The following CFAP20DC variants were observed in gnomAD, a reference collection of about 807,000 sequenced individuals.
CFAP20DC encodes the protein protein CFAP20DC.
In CFAP20DC, 84 loss-of-function variants were observed where a neutral mutation model predicts 101.7. The observed-to-expected ratio is 0.83, with a 90% CI of 0.69 to 0.99. The LOEUF (loss-of-function observed/expected upper bound fraction) is 0.99, where lower values mean the gene tolerates loss of function less well. Ranked by LOEUF, CFAP20DC falls within the 50% of genes least tolerant of loss-of-function variation. CFAP20DC has a pLI of 0.00. For missense variants in CFAP20DC, 1,007 were observed against 970.3 expected, an observed-to-expected ratio of 1.04 and a Z score of -0.50; for synonymous variants, 359 against 351.2, an observed-to-expected ratio of 1.02 and a Z score of -0.25.
At chr3:58,896,421 G>A (rs1470773749) in intron 6 of CFAP20DC, among the ~76,000 whole-genome samples, 1 of 151,972 alleles carries the variant, frequency 6.6e-6, no homozygotes, top group Non-Finnish European at 1.5e-5. Context: ...CTTGTCTCCT[G>A]CTAGCTTTGG....
chr3:58,766,687 A>G (rs111272020), intron 15 of CFAP20DC, among the ~76,000 whole-genome samples: 6 of 152,248 alleles, frequency 3.9e-5, no homozygotes, highest in African/African-American at 1.4e-4. Flanking sequence ...GTATTTTTCC[A>G]ACCTCATGTG....
intron 4 of CFAP20DC, among the ~76,000 whole-genome samples, chr3:58,984,668 A>C (rs1238039329): frequency 6.6e-6 from 1 of 152,212 alleles, no homozygotes; most frequent in African/African-American, 2.4e-5. Flanking sequence ...CATGGAAAAA[A>C]TGATTAGCAT....
intron 14 of CFAP20DC, among the ~76,000 whole-genome samples, chr3:58,819,372 C>G (rs1261766795): frequency 1.3e-5 from 2 of 151,736 alleles, no homozygotes; most frequent in Non-Finnish European, 1.5e-5. Flanking sequence ...TTGAAAGGAT[C>G]AACAAAATTG....
At chr3:59,021,238 T>C (rs1452752235) in intron 4 of CFAP20DC, among the ~76,000 whole-genome samples, 1 of 152,104 alleles carries the variant, frequency 6.6e-6, no homozygotes, top group Non-Finnish European at 1.5e-5. Flanking sequence ...ACAATTTAGA[T>C]AGTATCATTA....
chr3:58,752,350 G>C (rs2068633977), intron 16 of CFAP20DC, among the ~76,000 whole-genome samples: 4 of 152,098 alleles, frequency 2.6e-5, no homozygotes, highest in Admixed American at 2.6e-4. Context: ...GCTTGATCTG[G>C]ATAACACTGG....
At chr3:58,801,867 T>C (rs2073735294) in intron 15 of CFAP20DC, among the ~76,000 whole-genome samples, 1 of 152,242 alleles carries the variant, frequency 6.6e-6, no homozygotes, top group Non-Finnish European at 1.5e-5. Flanking sequence ...CAATGACATT[T>C]TTAAAAACTA....
intron 6 of CFAP20DC, among the ~76,000 whole-genome samples, chr3:58,909,454 C>A (rs2083927789): frequency 6.6e-6 from 1 of 152,120 alleles, no homozygotes; most frequent in Non-Finnish European, 1.5e-5. Flanking sequence ...TTCTACACTT[C>A]TAACATTAAT....
At chr3:58,813,763 A>C (rs2074872600) in intron 14 of CFAP20DC, among the ~76,000 whole-genome samples, 1 of 151,962 alleles carries the variant, frequency 6.6e-6, no homozygotes, top group Admixed American at 6.6e-5. Flanking sequence ...CCTGTTATGC[A>C]CCATGAATTT....
At position 58,869,432 on chromosome 3, in the gene CFAP20DC, T is replaced by C; in HGVS notation, c.911A>G (p.Lys304Arg). The change falls in exon 9 of 17, where the codon AAG becomes AGG. Residue 304 changes from lysine (K) to arginine (R), a missense_variant. By Grantham distance (26) the Lys-to-Arg change is conservative. Coordinates refer to ENST00000482387, the MANE Select transcript of CFAP20DC (RefSeq NM_001394063.1). The surrounding 1 kb of genome is among the most constrained non-coding windows in gnomAD (Gnocchi z 4.3). ...TGACATTTCTGTACCATTAACACACTTCTCTACAGTGGACGGCTGGCATGA... is the reference window on the plus strand; with the variant it reads ...TGACATTTCTGTACCATTAACACACCTCTCTACAGTGGACGGCTGGCATGA... ...NRSCQPSTVE[K>R]CVNGTEMSAL... The C allele has an allele frequency of 1.2e-6, 2 of 1,613,822 alleles. No individual in the cohort carries two copies. Among genetic ancestry groups the C allele is most frequent in the Admixed American group, 1.7e-5 (1 of 59,996 alleles).
At chr3:58,994,107 T>G (rs892340134) in intron 4 of CFAP20DC, among the ~76,000 whole-genome samples, 26 of 152,274 alleles carry the variant, frequency 1.7e-4, no homozygotes, top group Middle Eastern at 3.4e-3. Context: ...CTTTCTTGCC[T>G]TTCCATTTAA....
At chr3:58,731,686 T>C (rs945572768) in intron 3 of CFAP20DC, among the ~76,000 whole-genome samples, 5 of 152,216 alleles carry the variant, frequency 3.3e-5, no homozygotes, top group African/African-American at 1.2e-4. Flanking sequence ...TATGTGAAGG[T>C]AAATTCTCAA....
In CFAP20DC at chr3:58,742,475, G is replaced by A. The variant is rs377287824; in HGVS notation, c.2430C>T (p.Tyr810=). The change falls in exon 17 of 17, where the codon TAC becomes TAT. Residue 810 remains tyrosine (Y), a synonymous_variant. Coordinates refer to ENST00000482387, the MANE Select transcript of CFAP20DC (RefSeq NM_001394063.1). ...NCYFDPQTGK[Y]YELV ...GAAGGAGGCATTATACCAACTCATA[G>A]TATTTCCCTGTTTGGGGGTCAAAGT... The A allele has an allele frequency of 1.3e-4, 201 of 1,605,828 alleles. 1 individual carries two copies. Among genetic ancestry groups the A allele is most frequent in the South Asian group, 1.2e-3 (104 of 89,354 alleles).
Position 58,899,934 on chromosome 3 carries a change from C to T in CFAP20DC, c.550+13774G>A, listed in dbSNP as rs2083000581. ...TAATCAGCCATCCTGGCCCTCTCTC[C>T]CCACAGATAATTCTTTAATTAAAAT... On this transcript the variant is annotated intron_variant, in intron 6 of 16. Transcript: ENST00000482387. The surrounding 1 kb of genome is among the most constrained non-coding windows in gnomAD (Gnocchi z 5.0). Among the ~76,000 whole-genome samples, 1 of 152,132 alleles carries T rather than the reference C, an allele frequency of 6.6e-6. No individual in the cohort carries two copies. The highest frequency in any genetic ancestry group is 1.5e-5 in the Non-Finnish European group (1 of 68,030).
At chr3:58,760,343 A>G (rs1410775642) in intron 15 of CFAP20DC, among the ~76,000 whole-genome samples, 1 of 152,030 alleles carries the variant, frequency 6.6e-6, no homozygotes, top group African/African-American at 2.4e-5. Context: ...TTTGTCTGTT[A>G]TTGGTGTATA....
chr3:59,038,089 AC>A (rs1228628137), intron 4 of CFAP20DC, among the ~76,000 whole-genome samples: 1 of 152,138 alleles, frequency 6.6e-6, no homozygotes, highest in Non-Finnish European at 1.5e-5. Flanking sequence ...GAAAACATGG[AC>A]ACAGGGAGGG....
chr3:58,810,048 G>C (rs2074477580), intron 14 of CFAP20DC, among the ~76,000 whole-genome samples: 1 of 152,176 alleles, frequency 6.6e-6, no homozygotes, highest in Non-Finnish European at 1.5e-5. Flanking sequence ...CTCTGAAATT[G>C]TGGCAATAAT....
intron 15 of CFAP20DC, among the ~76,000 whole-genome samples, chr3:58,787,369 T>G: frequency 6.8e-6 from 1 of 146,548 alleles, no homozygotes; most frequent in South Asian, 2.3e-4. Context: ...GGGATAGCAT[T>G]GGGAGATATA....
Position 58,813,397 on chromosome 3 carries a change from T to C in CFAP20DC, c.2176-6941A>G, listed in dbSNP as rs192475094. On this transcript the variant is annotated intron_variant, in intron 14 of 16. Transcript: ENST00000482387. ...GCAACAATGCGATTCTAATAAGAAA[T>C]CATTTTCAACATTCTCATTTTATTA... is the stretch of plus-strand genomic sequence containing the variant. Among the ~76,000 whole-genome samples the C allele has an allele frequency of 2.6e-5, 4 of 152,016 alleles. No individual in the cohort carries two copies. The East Asian group carries it at 7.7e-4, about 29-fold the overall frequency.
intron 4 of CFAP20DC, among the ~76,000 whole-genome samples, chr3:58,983,725 GC>G (rs1325677555): frequency 3.9e-5 from 6 of 152,102 alleles, no homozygotes; most frequent in South Asian, 2.1e-4. Flanking sequence ...CTTAATCTGT[GC>G]CAAGTGCTAT....
Sources: allele counts gnomAD v4.1 joint callset (sites outside exome capture counted in the v4.1 genomes callset), GRCh38; gene constraint gnomAD v4.1.1; non-coding constraint Gnocchi (gnomAD v3.1); transcripts MANE v1.5; gene names NCBI Gene and HGNC (gene_info 2026-07-23, HGNC 2026-07-21).